Variants in GNRHR observed in about 807,000 individuals in gnomAD.
GNRHR encodes the protein gonadotropin releasing hormone receptor.
GNRHR carries 14 observed loss-of-function variants against 28.1 expected under a neutral mutation model. The ratio of observed to expected loss-of-function variants is 0.50; its 90% CI spans 0.33 to 0.78. GNRHR has a LOEUF of 0.78. Ranked by LOEUF, GNRHR falls within the 30% of genes least tolerant of loss-of-function variation. The pLI, the probability that GNRHR is intolerant of heterozygous loss-of-function variation, is 0.02. For missense variants in GNRHR, 366 were observed against 382.1 expected (o/e 0.96, Z 0.35); for synonymous variants, 141 against 140.5 (o/e 1.00, Z -0.02).
At chr4:67,752,585 T>C (rs1178008858) in intron 1 of GNRHR, among the ~76,000 whole-genome samples, 3 of 152,172 alleles carry the variant, frequency 2.0e-5, no homozygotes, top group Non-Finnish European at 4.4e-5. Flanking sequence ...TCATTTCAGG[T>C]GATATATTTG....
chr4:67,744,578 C>T lies in GNRHR; in HGVS notation c.732G>A (p.Gln244=), dbSNP rs751264387. The part of the protein sequence containing the change: ...IIFTLTRVLH[Q]DPHELQLNQS... ...CTAAGGAATACATACCGTGGGGGTC[C>T]TGATGAAGGACCCGTGTCAGGGTGA... Residue 244 remains glutamine, a synonymous_variant, in exon 2 of 3, where the codon CAG becomes CAA. Transcript: ENST00000226413. 7.5e-6 allele frequency: 12 copies of T among 1,593,618 alleles called. No individual in the cohort carries two copies. Among genetic ancestry groups the T allele is most frequent in the African/African-American group, 2.7e-5 (2 of 74,490 alleles).
chr4:67,750,314 C>T (rs958371658), intron 1 of GNRHR, among the ~76,000 whole-genome samples: 5 of 152,020 alleles, frequency 3.3e-5, no homozygotes, highest in South Asian at 2.1e-4. Context: ...GAGGACTGGT[C>T]CTCCTTTCCC....
At chr4:67,742,260 T>C (rs1731674706) in intron 2 of GNRHR, among the ~76,000 whole-genome samples, 1 of 152,200 alleles carries the variant, frequency 6.6e-6, no homozygotes, top group South Asian at 2.1e-4. Flanking sequence ...AGTTTCATTC[T>C]TCTACACATG....
intron 1 of GNRHR, among the ~76,000 whole-genome samples, chr4:67,748,566 A>G (rs191136326): frequency 6.6e-6 from 1 of 152,174 alleles, no homozygotes; most frequent in Non-Finnish European, 1.5e-5. Context: ...GTAAAAAGGA[A>G]ATAGACAATA....
In GNRHR at chr4:67,740,429, G is replaced by C; in HGVS notation, c.*51C>G. 7.4e-7 allele frequency: 1 copy of C among 1,342,450 alleles called. No homozygotes were observed. Among genetic ancestry groups the C allele is most frequent in the Non-Finnish European group, 1.1e-6 (1 of 933,986 alleles). 83.2% of individuals were successfully genotyped at this position (1,342,450 alleles called of 1,614,324 possible). On this transcript the variant is annotated 3_prime_UTR_variant, in exon 3 of 3. Transcript: ENST00000226413. ...TTTGTGTTAATCATTCCCAGATGGA[G>C]AGATTCATTACCTTACCCTTCTTCA...
chr4:67,742,576 G>C, intron 2 of GNRHR, among the ~76,000 whole-genome samples: 1 of 152,162 alleles, frequency 6.6e-6, no homozygotes, highest in East Asian at 1.9e-4. Context: ...ACTTTTTACA[G>C]TCAGGCTGCC....
At position 67,753,997 on chromosome 4, in the gene GNRHR, G is replaced by T. The variant is rs752530391; in HGVS notation, c.339C>A (p.Leu113=). 1.2e-6 allele frequency: 2 copies of T among 1,613,956 alleles called. No individual in the cohort carries two copies. Among genetic ancestry groups the T allele is most frequent in the East Asian group, 2.2e-5 (1 of 44,874 alleles). ...ITVQWYAGEL[L]CKVLSYLKLF... The stretch of plus-strand genomic sequence containing the variant: ...GCTTTAGATAACTGAGAACTTTGCA[G>T]AGTAACTCTCCAGCATACCATTGGA... Residue 113 remains leucine, a synonymous_variant, in exon 1 of 3, where the codon CTC becomes CTA. Transcript: ENST00000226413.
In GNRHR at chr4:67,744,617, A is replaced by C. The variant is rs776888735; in HGVS notation, c.693T>G (p.Asn231Lys). 1 of 1,613,582 alleles carries C rather than the reference A, an allele frequency of 6.2e-7. No individual in the cohort carries two copies. Among genetic ancestry groups the C allele is most frequent in the Non-Finnish European group, 8.5e-7 (1 of 1,179,470 alleles). The change falls in exon 2 of 3, where the codon AAT (asparagine) becomes AAG (lysine). Residue 231 changes from asparagine to lysine, a missense_variant. Physicochemically the swap from Asn to Lys is moderately conservative, Grantham distance 94. Transcript: ENST00000226413. ...IIPLFIMLIC[N>K]AKIIFTLTRV... ...GTGTCAGGGTGAAGATGATTTTTGCATTGCAGATCAGCATGATGAAAAGAG... is the reference window on the plus strand; with the variant it reads ...GTGTCAGGGTGAAGATGATTTTTGCCTTGCAGATCAGCATGATGAAAAGAG...
At chr4:67,748,608 G>T (rs1477532293) in intron 1 of GNRHR, among the ~76,000 whole-genome samples, 1 of 151,940 alleles carries the variant, frequency 6.6e-6, no homozygotes, top group African/African-American at 2.4e-5. Context: ...GTTGGGTAGA[G>T]TGTAGTAGTT....
Position 67,753,950 on chromosome 4 carries a change from G to T in GNRHR, c.386C>A (p.Ala129Asp), listed in dbSNP as rs104893838. The change falls in exon 1 of 3, where the codon GCC becomes GAC. Residue 129 changes from alanine (A) to aspartate (D), a missense_variant. Physicochemically the swap from Ala to Asp is moderately radical, Grantham distance 126. Coordinates refer to ENST00000226413, the MANE Select transcript of GNRHR (RefSeq NM_000406.3). ...YLKLFSMYAP[A>D]FMMVVISLDR... ...CAGGCTGATCACCACCATCATGAAG[G>T]CTGGGGCATACATGGAGAAAAGCTT... 1.5e-5 allele frequency: 25 copies of T among 1,614,028 alleles called. No individual in the cohort carries two copies. Among genetic ancestry groups the T allele is most frequent in the Admixed American group, 3.3e-5 (2 of 60,004 alleles).
At chr4:67,742,796 A>G (rs759451293) in intron 2 of GNRHR, among the ~76,000 whole-genome samples, 2 of 152,226 alleles carry the variant, frequency 1.3e-5, no homozygotes, top group Non-Finnish European at 2.9e-5. Context: ...GGGTGGACAT[A>G]TAGAGGAGAA....
rs1203381452 is a variant in GNRHR, at chr4:67,754,051, C to A, written c.285G>T (p.Met95Ile). ...LANLLETLIV[M>I]PLDGMWNITV... ...TAATGTTCCACATCCCATCCAGTGGCATGACAATCAGAGTCTCCAACAGGT... is the reference window on the plus strand; with the variant it reads ...TAATGTTCCACATCCCATCCAGTGGAATGACAATCAGAGTCTCCAACAGGT... Residue 95 changes from methionine to isoleucine, a missense_variant, in exon 1 of 3, where the codon ATG (methionine) becomes ATT (isoleucine). Coordinates refer to ENST00000226413, the MANE Select transcript of GNRHR (RefSeq NM_000406.3). The A allele has an allele frequency of 1.2e-6, 2 of 1,613,810 alleles. No individual in the cohort carries two copies. The highest frequency in any genetic ancestry group is 1.7e-5 in the Admixed American group (1 of 60,000).
At position 67,744,776 on chromosome 4, in the gene GNRHR, G is replaced by A; in HGVS notation, c.534C>T (p.Phe178=). The A allele has an allele frequency of 1.3e-6, 2 of 1,560,770 alleles. No homozygotes were observed. The highest frequency in any genetic ancestry group is 8.8e-7 in the Non-Finnish European group (1 of 1,131,314). The part of the protein sequence containing the change: ...SVFAGPQLYI[F]RMIHLADSSG... ...AGCTGTCTGCTAGATGAATCATCCT[G>A]AAGATGTATAACTGTATGAGACAAT... Residue 178 remains phenylalanine, a synonymous_variant, in exon 2 of 3, where the codon TTC becomes TTT. Transcript: ENST00000226413.
chr4:67,753,628 A>C (rs904828746), intron 1 of GNRHR, 186 bp downstream of exon 1: 1 of 608,478 alleles, frequency 1.6e-6, no homozygotes, highest in Non-Finnish European at 2.9e-6. Context: ...AAGGAACTGA[A>C]ACCAGAGAGG....
At position 67,740,712 on chromosome 4, in the gene GNRHR, T is replaced by C. The variant is rs1350994978; in HGVS notation, c.755A>G (p.Asn252Ser). 1 of 1,610,598 alleles carries C rather than the reference T, an allele frequency of 6.2e-7. No homozygotes were observed. Reference sequence around the variant, plus strand: ...TCTTGGTATATTGTTCTTGGACTGATTCAGTTGTAGTTCTGTTGGATAGAG... The same window carrying C: ...TCTTGGTATATTGTTCTTGGACTGACTCAGTTGTAGTTCTGTTGGATAGAG... The part of the protein sequence containing the change: ...LHQDPHELQL[N>S]QSKNNIPRAR... The change falls in exon 3 of 3, where the codon AAT becomes AGT. Residue 252 changes from asparagine to serine, a missense_variant. Asn to Ser is a conservative substitution (Grantham distance 46, BLOSUM62 1). Transcript: ENST00000226413.
At chr4:67,746,053 C>T (rs1731749182) in intron 1 of GNRHR, among the ~76,000 whole-genome samples, 1 of 152,000 alleles carries the variant, frequency 6.6e-6, no homozygotes, top group Admixed American at 6.6e-5. Flanking sequence ...AACTTATGAG[C>T]TCTGAATAGA....
chr4:67,751,827 C>T (rs1297239046), intron 1 of GNRHR: 4 of 152,150 alleles, frequency 2.6e-5, no homozygotes, highest in Non-Finnish European at 5.9e-5. Context: ...GTTGTAATTA[C>T]ACAGATCTTA....
chr4:67,754,085 G>T lies in GNRHR; in HGVS notation c.251C>A (p.Thr84Asn), dbSNP rs1402161617. 1 of 1,614,194 alleles carries T rather than the reference G, an allele frequency of 6.2e-7. No individual in the cohort carries two copies. Among genetic ancestry groups the T allele is most frequent in the Non-Finnish European group, 8.5e-7 (1 of 1,180,008 alleles). ...CAGAGTCTCCAACAGGTTGGCTAAG[G>T]TCAGATGTTTTAAGAGCAGCTTCAT... ...SRMKLLLKHL[T>N]LANLLETLIV... Residue 84 changes from threonine (T) to asparagine (N), a missense_variant, in exon 1 of 3, where the codon ACC becomes AAC. Transcript: ENST00000226413.
rs1731564243 is a variant in GNRHR, at chr4:67,737,268, A to G, written c.*3212T>C. Among the ~76,000 whole-genome samples, 2 of 152,056 alleles carry G rather than the reference A, an allele frequency of 1.3e-5. No individual in the cohort carries two copies. The highest frequency in any genetic ancestry group is 6.6e-5 in the Admixed American group (1 of 15,250). ...TAACAGTTTTCATATATGTTTATCT[A>G]TTGCTGCTATGCATACATTTTATAT... On this transcript the variant is annotated 3_prime_UTR_variant, in exon 3 of 3. Transcript: ENST00000226413.
Sources: allele counts gnomAD v4.1 joint callset (sites outside exome capture counted in the v4.1 genomes callset), GRCh38; gene constraint gnomAD v4.1.1; transcripts MANE v1.5; gene names NCBI Gene and HGNC (gene_info 2026-07-23, HGNC 2026-07-21).